NPAS2: variants seen among roughly 807,000 people sequenced by gnomAD.
The protein encoded by NPAS2 is neuronal PAS domain-containing protein 2.
Under a neutral mutation model 107.5 loss-of-function variants are expected in NPAS2, and 23 were observed. That is an observed-to-expected ratio of 0.21 (90% CI 0.15 to 0.30). The LOEUF (loss-of-function observed/expected upper bound fraction) is 0.30. Among genes scored for constraint, NPAS2 ranks in the 10% least tolerant of loss-of-function variants. The pLI is 1.00. For missense variants in NPAS2, 756 were observed against 1,043.3 expected (o/e 0.72, Z 3.79); for synonymous variants, 403 against 417.5 (o/e 0.97, Z 0.42).
At chr2:100,880,866 G>A (rs1025295570) in intron 1 of NPAS2, among the ~76,000 whole-genome samples, 13 of 152,212 alleles carry the variant, frequency 8.5e-5, no homozygotes, top group Non-Finnish European at 1.5e-4. Flanking sequence ...AGGGAGGAGG[G>A]AGAGCAGTAT....
intron 5 of NPAS2, among the ~76,000 whole-genome samples, chr2:100,945,544 C>A (rs536863486): frequency 7.7e-4 from 118 of 152,330 alleles, no homozygotes; most frequent in Middle Eastern, 3.4e-3. Flanking sequence ...TCTGCCACCC[C>A]CTTCCTTCAG....
intron 5 of NPAS2, among the ~76,000 whole-genome samples, chr2:100,944,747 G>A (rs545125136): frequency 3.3e-5 from 5 of 152,170 alleles, no homozygotes; most frequent in Non-Finnish European, 5.9e-5. Context: ...CACCATCCTC[G>A]CAACCTCCCA....
At chr2:100,958,576 A>G (rs1228280659) in intron 7 of NPAS2, among the ~76,000 whole-genome samples, 1 of 152,176 alleles carries the variant, frequency 6.6e-6, no homozygotes, top group Admixed American at 6.5e-5. Flanking sequence ...TCACTGTAAA[A>G]AAATTGTGCC....
intron 19 of NPAS2, among the ~76,000 whole-genome samples, chr2:100,992,152 G>T (rs934794043): frequency 6.6e-6 from 1 of 152,250 alleles, no homozygotes. Context: ...AGTGGCTCAT[G>T]CCTGTAATCC....
At position 100,878,205 on chromosome 2, in the gene NPAS2, T is replaced by A. The variant is rs904933246; in HGVS notation, c.-22-26528T>A. On this transcript the variant is annotated intron_variant, in intron 1 of 20. Coordinates refer to ENST00000335681, the MANE Select transcript of NPAS2 (RefSeq NM_002518.4). ...CCGTGCAAGGAGCAGTGGCCCTGGC[T>A]CCAGATGCTAGGGAAAGCTGGGCAG... The A allele has an allele frequency of 3.0e-6, 3 of 985,200 alleles. No homozygotes were observed. The African/African-American group carries it at 5.2e-5, about 17-fold the overall frequency. The allele number at this position is 985,200 out of a possible 1,614,324, so 61.0% of individuals were successfully genotyped here.
Position 100,977,759 on chromosome 2 carries a change from C to T in NPAS2, c.1442C>T (p.Pro481Leu). The T allele has an allele frequency of 7.4e-6, 12 of 1,614,230 alleles. No individual in the cohort carries two copies. The highest frequency in any genetic ancestry group is 1.0e-5 in the Non-Finnish European group (12 of 1,180,052). Residue 481 changes from proline to leucine, a missense_variant, in exon 15 of 21, where the codon CCT becomes CTT. Physicochemically the swap from Pro to Leu is moderately conservative, Grantham distance 98. Around this residue, in one of 4 missense-constraint regions of NPAS2, gnomAD observed 496 missense variants for 594.4 expected, o/e 0.83. Coordinates refer to ENST00000335681, the MANE Select transcript of NPAS2 (RefSeq NM_002518.4). ...SSCDLTQQLL[P>L]QTVLQSTPAP... is the part of the protein sequence containing the mutation. The stretch of plus-strand genomic sequence containing the variant: ...TGCGACCTCACACAGCAGCTCCTGC[C>T]TCAGACCGTTCTGCAGAGCACGCCC...
At chr2:100,844,594 C>T (rs1236556479) in intron 1 of NPAS2, among the ~76,000 whole-genome samples, 1 of 152,080 alleles carries the variant, frequency 6.6e-6, no homozygotes. Context: ...GAAACAAACC[C>T]TTAATATTAA....
intron 1 of NPAS2, among the ~76,000 whole-genome samples, chr2:100,874,890 C>T (rs1317608981): frequency 1.3e-5 from 2 of 152,184 alleles, no homozygotes; most frequent in South Asian, 2.1e-4. Context: ...GGCTCTCATG[C>T]CAGGCCCCAC....
At chr2:100,890,552 A>G (rs1680986507) in intron 1 of NPAS2, among the ~76,000 whole-genome samples, 1 of 152,012 alleles carries the variant, frequency 6.6e-6, no homozygotes, top group Admixed American at 6.5e-5. Context: ...GTGAGGAGCC[A>G]GCCACTCAGA....
intron 1 of NPAS2, among the ~76,000 whole-genome samples, chr2:100,852,168 G>T (rs144077886): frequency 6.6e-6 from 1 of 152,018 alleles, no homozygotes; most frequent in Non-Finnish European, 1.5e-5. Context: ...AGGTCAAGGC[G>T]GGCGGATCAC....
chr2:100,915,713 A>T (rs1461731013), intron 2 of NPAS2, among the ~76,000 whole-genome samples: 1 of 152,236 alleles, frequency 6.6e-6, no homozygotes. Flanking sequence ...TCCTTCAGGA[A>T]TGAAGGTAAA....
chr2:100,996,208 C>A lies in NPAS2; in HGVS notation c.*626C>A. On this transcript the variant is annotated 3_prime_UTR_variant, in exon 21 of 21. Coordinates refer to ENST00000335681, the MANE Select transcript of NPAS2 (RefSeq NM_002518.4). ...AATCAGAGAAGCTGGTTGTTATTAA[C>A]CAAGCTACAGATTCACACTTTCTGG... The A allele has an allele frequency of 4.7e-6, 1 of 211,484 alleles. No homozygotes were observed. The highest frequency in any genetic ancestry group is 2.3e-5 in the African/African-American group (1 of 43,068). 13.1% of individuals were successfully genotyped at this position (211,484 alleles called of 1,614,324 possible).
chr2:100,822,492 A>T (rs928484508), intron 1 of NPAS2, among the ~76,000 whole-genome samples: 4 of 152,190 alleles, frequency 2.6e-5, no homozygotes, highest in African/African-American at 9.7e-5. Context: ...TTTTTGAACA[A>T]TCTTTCTTAA....
intron 2 of NPAS2, among the ~76,000 whole-genome samples, chr2:100,917,206 A>G (rs1682937871): frequency 6.6e-6 from 1 of 152,196 alleles, no homozygotes; most frequent in Admixed American, 6.6e-5. Flanking sequence ...AACAATATAG[A>G]AAAATCAACT....
At chr2:100,921,404 C>T (rs1683216575) in intron 2 of NPAS2, among the ~76,000 whole-genome samples, 1 of 152,188 alleles carries the variant, frequency 6.6e-6, no homozygotes, top group African/African-American at 2.4e-5. Context: ...TGTAACCAGA[C>T]CCAAACTCCC....
At chr2:100,843,811 A>C (rs935914132) in intron 1 of NPAS2, among the ~76,000 whole-genome samples, 1 of 152,188 alleles carries the variant, frequency 6.6e-6, no homozygotes, top group African/African-American at 2.4e-5. Context: ...GCATGAAGGA[A>C]TAATTCCTTT....
chr2:100,889,084 G>A (rs1339048877), intron 1 of NPAS2, among the ~76,000 whole-genome samples: 2 of 152,228 alleles, frequency 1.3e-5, no homozygotes, highest in Non-Finnish European at 2.9e-5. Flanking sequence ...TGGACATTGA[G>A]AAACTGGAGA....
intron 5 of NPAS2, 21 bp downstream of exon 5, chr2:100,937,863 C>T (rs745462814): frequency 2.0e-6 from 3 of 1,528,476 alleles, no homozygotes; most frequent in South Asian, 2.2e-5. Flanking sequence ...ACTCCAATGG[C>T]CTTTACCGGT....
At chr2:100,875,116 A>G (rs1679871654) in intron 1 of NPAS2, among the ~76,000 whole-genome samples, 1 of 152,216 alleles carries the variant, frequency 6.6e-6, no homozygotes, top group Admixed American at 6.5e-5. Context: ...AAGGAAGGAA[A>G]TTCTGACGCA....
Sources: allele counts gnomAD v4.1 joint callset (sites outside exome capture counted in the v4.1 genomes callset), GRCh38; gene constraint gnomAD v4.1.1; regional missense constraint gnomAD v4.1.1; transcripts MANE v1.5; gene names NCBI Gene and HGNC (gene_info 2026-07-23, HGNC 2026-07-21).